Variants in GRB14 observed in about 807,000 individuals in gnomAD.
The protein encoded by GRB14 is growth factor receptor-bound protein 14.
A neutral mutation model predicts 69.1 loss-of-function variants in GRB14; 38 were observed. The ratio of observed to expected loss-of-function variants is 0.55; its 90% CI spans 0.42 to 0.72. The LOEUF (loss-of-function observed/expected upper bound fraction) is 0.72. Ranked by LOEUF, GRB14 falls within the 30% of genes least tolerant of loss-of-function variation. The probability of loss-of-function intolerance (pLI) is 0.00; values close to 1 mark genes in which losing one functional copy is unlikely to be tolerated. For synonymous variants in GRB14, 247 were observed against 241.3 expected, an observed-to-expected ratio of 1.02 and a Z score of -0.22; for missense variants, 666 against 666.1, an observed-to-expected ratio of 1.00 and a Z score of 0.00.
chr2:164,613,845 C>T (rs1178762605), intron 2 of GRB14, among the ~76,000 whole-genome samples: 1 of 152,178 alleles, frequency 6.6e-6, no homozygotes, highest in Non-Finnish European at 1.5e-5. Flanking sequence ...TTGTAACATA[C>T]TCACCTTTGT....
intron 2 of GRB14, among the ~76,000 whole-genome samples, chr2:164,590,352 T>C (rs1480772816): frequency 6.6e-6 from 1 of 152,148 alleles, no homozygotes; most frequent in African/African-American, 2.4e-5. Flanking sequence ...TAAAAGATAG[T>C]TATAAATAAT....
At chr2:164,553,502 C>A (rs919389822) in intron 2 of GRB14, among the ~76,000 whole-genome samples, 5 of 152,132 alleles carry the variant, frequency 3.3e-5, no homozygotes, top group African/African-American at 9.7e-5. Context: ...TCACACTTAT[C>A]CAAAATACAC....
At chr2:164,570,789 A>C (rs926095891) in intron 2 of GRB14, among the ~76,000 whole-genome samples, 1 of 152,204 alleles carries the variant, frequency 6.6e-6, no homozygotes, top group African/African-American at 2.4e-5. Flanking sequence ...TGAACGCTTC[A>C]ATTCAAAACA....
intron 2 of GRB14, among the ~76,000 whole-genome samples, chr2:164,599,445 C>G (rs1351002356): frequency 1.3e-5 from 2 of 152,158 alleles, no homozygotes; most frequent in Non-Finnish European, 2.9e-5. Flanking sequence ...AGCAGTGACA[C>G]TCATTACTCT....
intron 9 of GRB14, among the ~76,000 whole-genome samples, chr2:164,499,084 G>T (rs1244578407): frequency 1.3e-5 from 2 of 152,056 alleles, no homozygotes; most frequent in Non-Finnish European, 2.9e-5. Context: ...GCATCCACCT[G>T]CCCAAACCAC....
chr2:164,619,655 A>T, intron 2 of GRB14, 32 bp downstream of exon 2: 1 of 1,507,328 alleles, frequency 6.6e-7, no homozygotes, highest in Non-Finnish European at 9.0e-7. Context: ...AACTCCTAAG[A>T]TTTTTGAAAT....
chr2:164,542,846 A>T (rs559501838), intron 3 of GRB14, among the ~76,000 whole-genome samples: 28 of 152,368 alleles, frequency 1.8e-4, no homozygotes, highest in African/African-American at 6.3e-4. Context: ...TTCTCAAAAA[A>T]TTTAAAAAAG....
At chr2:164,497,952 G>A (rs1042188529) in intron 9 of GRB14, among the ~76,000 whole-genome samples, 4 of 152,164 alleles carry the variant, frequency 2.6e-5, no homozygotes, top group Middle Eastern at 3.4e-3. Context: ...TACTTATGAA[G>A]CAACTAGTTT....
At chr2:164,587,562 T>C (rs62173867) in intron 2 of GRB14, among the ~76,000 whole-genome samples, 25,481 of 152,158 alleles carry the variant, frequency 0.17, 3,006 homozygotes, top group Non-Finnish European at 0.26. Context: ...AATAATGTCA[T>C]ATTGCTTATA....
At chr2:164,598,428 C>CATCT (rs547108441) in intron 2 of GRB14, among the ~76,000 whole-genome samples, 423 of 152,286 alleles carry the variant, frequency 2.8e-3, no homozygotes, top group African/African-American at 9.8e-3. Context: ...TGATAGCATA[C>CATCT]ATCTGTGCAC....
At chr2:164,541,127 T>C (rs907284902) in intron 3 of GRB14, among the ~76,000 whole-genome samples, 28 of 152,270 alleles carry the variant, frequency 1.8e-4, no homozygotes, top group African/African-American at 6.7e-4. Flanking sequence ...TTCATGATTT[T>C]TGAGGTATTT....
At chr2:164,544,992 G>T (rs917997210) in intron 3 of GRB14, among the ~76,000 whole-genome samples, 5 of 152,170 alleles carry the variant, frequency 3.3e-5, no homozygotes, top group Admixed American at 6.5e-5. Context: ...ATAAGAGAAA[G>T]GATGTTCATT....
chr2:164,512,206 G>T (rs2105271008), intron 6 of GRB14, among the ~76,000 whole-genome samples: 1 of 152,226 alleles, frequency 6.6e-6, no homozygotes, highest in East Asian at 1.9e-4. Flanking sequence ...CACTCTTGTT[G>T]CCCAGGCTGG....
Position 164,536,442 on chromosome 2 carries a change from A to G in GRB14, c.482-9307T>C, listed in dbSNP as rs192432185. ...TTATTTCTTTTTTCTGATTATTAAAATAATACATTCCATTAAAGGAAATTT... is the reference window on the plus strand; with the variant it reads ...TTATTTCTTTTTTCTGATTATTAAAGTAATACATTCCATTAAAGGAAATTT... On this transcript the variant is annotated intron_variant, in intron 3 of 13. Transcript: ENST00000263915. 2.1e-3 allele frequency among the ~76,000 whole-genome samples: 316 copies of G among 152,320 alleles called. 1 individual carries two copies. The highest frequency in any genetic ancestry group is 7.9e-3 in the Admixed American group (121 of 15,294).
At position 164,499,111 on chromosome 2, in the gene GRB14, A is replaced by G. The variant is rs540819700; in HGVS notation, c.1105-1621T>C. On this transcript the variant is annotated intron_variant, in intron 9 of 13. Transcript: ENST00000263915. Reference sequence around the variant, plus strand: ...CCAAACCACAGAGTAAGCTTCCTCAATCATAATAGCTTTATCCTTATAATA... The same window carrying G: ...CCAAACCACAGAGTAAGCTTCCTCAGTCATAATAGCTTTATCCTTATAATA... 9.9e-5 allele frequency among the ~76,000 whole-genome samples: 15 copies of G among 152,272 alleles called. No individual in the cohort carries two copies. In the South Asian group the frequency reaches 2.7e-3, roughly 27 times the overall value.
chr2:164,607,075 G>A (rs549897129), intron 2 of GRB14, among the ~76,000 whole-genome samples: 4 of 152,194 alleles, frequency 2.6e-5, no homozygotes, highest in African/African-American at 9.6e-5. Flanking sequence ...TGCTTATAGT[G>A]GTAAATCAAT....
chr2:164,505,582 TAAG>T (rs924977714), intron 8 of GRB14, among the ~76,000 whole-genome samples: 36 of 152,304 alleles, frequency 2.4e-4, no homozygotes, highest in South Asian at 8.3e-4. Context: ...AGGCTTAGAA[TAAG>T]AAGAAGTTTT....
chr2:164,522,157 C>A, intron 5 of GRB14, 40 bp from the exon 6 acceptor site: 2 of 1,163,260 alleles, frequency 1.7e-6, no homozygotes, highest in South Asian at 1.4e-5. Context: ...ATGATTAAAT[C>A]AATGATATGG....
At chr2:164,562,888 A>G (rs1299757054) in intron 2 of GRB14, among the ~76,000 whole-genome samples, 1 of 152,070 alleles carries the variant, frequency 6.6e-6, no homozygotes, top group Non-Finnish European at 1.5e-5. Flanking sequence ...CTTCCTAAAA[A>G]CTCACTTCTC....
Sources: gnomAD v4.1 joint callset for allele counts (sites outside exome capture counted in the v4.1 genomes callset) on GRCh38, gnomAD v4.1.1 for gene constraint, MANE v1.5 for transcripts, NCBI Gene and HGNC (gene_info 2026-07-23, HGNC 2026-07-21) for gene names.